NUP93: variants seen among roughly 807,000 people sequenced by gnomAD.
NUP93 encodes the protein nuclear pore complex protein Nup93.
In NUP93, 55 loss-of-function variants were observed where a neutral mutation model predicts 107.8. The ratio of observed to expected loss-of-function variants is 0.51; its 90% CI spans 0.41 to 0.64. The LOEUF is 0.64. Among genes scored for constraint, NUP93 ranks in the 30% least tolerant of loss-of-function variants. The pLI is 0.00. For synonymous variants in NUP93, 390 were observed against 397.5 expected (o/e 0.98, Z 0.22); for missense variants, 937 against 1,044.7 (o/e 0.90, Z 1.42).
At position 56,847,502 on chromosome 16, in the gene NUP93, CTG is replaced by C. The variant is rs1964130153; in HGVS notation, c.*2895_*2896del. 1.3e-5 allele frequency: 2 copies of C among 152,210 alleles called. No individual in the cohort carries two copies. The highest frequency in any genetic ancestry group is 1.3e-4 in the Admixed American group (2 of 15,284). The allele number at this position is 152,210 out of a possible 1,614,324, so 9.4% of individuals were successfully genotyped here. A position where few individuals can be genotyped will look rare whatever the true frequency, so the allele number is the denominator to read the frequency against. ...TAATGAAATTGGGGGCACTTTGAGA[CTG>C]TCAGGGTTTGTTCCTGTCTCAGAAT... On this transcript the variant is annotated 3_prime_UTR_variant, in exon 22 of 22. Coordinates refer to ENST00000308159, the MANE Select transcript of NUP93 (RefSeq NM_014669.5).
In NUP93 at chr16:56,842,546, T is replaced by C. The variant is rs543058941; in HGVS notation, c.2349+713T>C. The C allele has an allele frequency of 7.7e-4, 328 of 428,346 alleles. 1 individual carries two copies. Among genetic ancestry groups the C allele is most frequent in the Non-Finnish European group, 1.1e-3 (247 of 221,022 alleles). 26.5% of individuals were successfully genotyped at this position (428,346 alleles called of 1,614,324 possible). A position where few individuals can be genotyped will look rare whatever the true frequency, so the allele number is the denominator to read the frequency against. ...GTTAAACCATAAGGGGACAGTCCAA[T>C]GGTGTTTGCTTTTTTTTTTTTTTTG... On this transcript the variant is annotated intron_variant, in intron 21 of 21. Transcript: ENST00000308159.
chr16:56,758,421 T>C (rs1208924697), intron 2 of NUP93, 117 bp from the exon 3 acceptor site: 2 of 756,250 alleles, frequency 2.6e-6, no homozygotes, highest in African/African-American at 3.4e-5. Context: ...CTGGACAGTA[T>C]ATAGGAAGTT....
At chr16:56,838,892 C>A (rs921956829) in intron 18 of NUP93, 60 bp from the exon 19 acceptor site, 2 of 1,167,730 alleles carry the variant, frequency 1.7e-6, no homozygotes, top group South Asian at 1.3e-5. Context: ...TCCACTGTTA[C>A]GGATTACACA....
At position 56,826,159 on chromosome 16, in the gene NUP93, G is replaced by C. The variant is rs141812416; in HGVS notation, c.794+2313G>C. ...ATTCAAATTGGAAGAGACCATAGTG[G>C]GCATCTGTTTGTCCTGGCTGCTACA... is the stretch of plus-strand genomic sequence containing the variant. On this transcript the variant is annotated intron_variant, in intron 8 of 21. Transcript: ENST00000308159. Among the ~76,000 whole-genome samples the C allele has an allele frequency of 2.6e-5, 4 of 152,176 alleles. No individual in the cohort carries two copies. The East Asian group carries it at 7.7e-4, about 29-fold the overall frequency.
At chr16:56,803,748 ATAT>A (rs1719548465) in intron 4 of NUP93, among the ~76,000 whole-genome samples, 1 of 5,096 alleles carries the variant, frequency 2.0e-4, no homozygotes, top group African/African-American at 5.0e-4. Context: ...ACAGGGAAAA[ATAT>A]ATATATATAT....
In NUP93 at chr16:56,748,555, A is replaced by G. The variant is rs533286194; in HGVS notation, c.179+129A>G. The G allele has an allele frequency of 6.7e-5, 52 of 780,446 alleles. No individual in the cohort carries two copies. The African/African-American group carries it at 7.5e-4, about 11-fold the overall frequency. The allele number at this position is 780,446 out of a possible 1,614,324, so 48.3% of individuals were successfully genotyped here. A position where few individuals can be genotyped will look rare whatever the true frequency, so the allele number is the denominator to read the frequency against. On this transcript the variant is annotated intron_variant, in intron 2 of 21. Coordinates refer to ENST00000308159, the MANE Select transcript of NUP93 (RefSeq NM_014669.5). Reference sequence around the variant, plus strand: ...ACTAGCCAGATTCTTGGGAACTCAGAAAGTGTTGTAAACAGGACAGCAGCC... The same window carrying G: ...ACTAGCCAGATTCTTGGGAACTCAGGAAGTGTTGTAAACAGGACAGCAGCC...
At chr16:56,840,991 T>C (rs1865831) in intron 20 of NUP93, among the ~76,000 whole-genome samples, 132,183 of 150,376 alleles carry the variant, frequency 0.88, 58,409 homozygotes, top group East Asian at 0.99. Flanking sequence ...AGGGAGACTT[T>C]GTCTCAAAAA....
chr16:56,838,968 A>G lies in NUP93; in HGVS notation c.2035A>G (p.Ile679Val). 1.2e-6 allele frequency: 2 copies of G among 1,613,756 alleles called. No homozygotes were observed. The highest frequency in any genetic ancestry group is 2.2e-5 in the South Asian group (2 of 90,954). Residue 679 changes from isoleucine to valine, a missense_variant, in exon 19 of 22, where the codon ATA becomes GTA. Coordinates refer to ENST00000308159, the MANE Select transcript of NUP93 (RefSeq NM_014669.5). ...SIAERYRAQGISANKFVDSTF... is the reference protein window; with the variant it reads ...SIAERYRAQGVSANKFVDSTF... ...GTCTTTCAGGTATAGGGCTCAAGGA[A>G]TAAGCGCAAATAAATTTGTGGACTC... is the stretch of plus-strand genomic sequence containing the variant.
At chr16:56,813,847 T>A (rs1347294562) in intron 5 of NUP93, among the ~76,000 whole-genome samples, 1 of 152,220 alleles carries the variant, frequency 6.6e-6, no homozygotes, top group African/African-American at 2.4e-5. Flanking sequence ...TCTAATAGTG[T>A]TCCAGCCTAT....
At chr16:56,740,566 C>G (rs1312423025) in intron 1 of NUP93, 1 of 169,502 alleles carries the variant, frequency 5.9e-6, no homozygotes, top group Non-Finnish European at 1.3e-5. Flanking sequence ...AGAGGGGCTC[C>G]TCACATCCCA....
chr16:56,792,802 C>T (rs1286916270), intron 3 of NUP93, among the ~76,000 whole-genome samples: 1 of 152,134 alleles, frequency 6.6e-6, no homozygotes, highest in Non-Finnish European at 1.5e-5. Context: ...TTTTACTCTC[C>T]TCCTGGGTTC....
chr16:56,786,546 C>T (rs972629088), intron 3 of NUP93, among the ~76,000 whole-genome samples: 1 of 152,252 alleles, frequency 6.6e-6, no homozygotes, highest in Non-Finnish European at 1.5e-5. Context: ...TGTTCATTTT[C>T]AGCTGTGCCA....
intron 3 of NUP93, among the ~76,000 whole-genome samples, chr16:56,769,358 C>T (rs1440849206): frequency 1.3e-5 from 2 of 152,094 alleles, no homozygotes; most frequent in African/African-American, 4.8e-5. Flanking sequence ...AGTAAAATAA[C>T]GTTGATTGAG....
chr16:56,807,179 A>AT, intron 5 of NUP93, among the ~76,000 whole-genome samples: 1 of 152,090 alleles, frequency 6.6e-6, no homozygotes, highest in Non-Finnish European at 1.5e-5. Context: ...CCTTCAGCAA[A>AT]CCTGGTAGCC....
chr16:56,756,971 G>C (rs1962036221), intron 2 of NUP93, among the ~76,000 whole-genome samples: 1 of 152,130 alleles, frequency 6.6e-6, no homozygotes, highest in Non-Finnish European at 1.5e-5. Context: ...CTCTTTTAGA[G>C]AGTTAACTTT....
intron 2 of NUP93, among the ~76,000 whole-genome samples, chr16:56,755,442 G>A (rs1357527154): frequency 3.3e-5 from 5 of 151,114 alleles, no homozygotes; most frequent in Non-Finnish European, 7.4e-5. Flanking sequence ...AAGTAGATTA[G>A]TAGTTGCCAG....
intron 3 of NUP93, among the ~76,000 whole-genome samples, chr16:56,765,982 G>A (rs1347828942): frequency 1.3e-5 from 2 of 152,170 alleles, no homozygotes; most frequent in African/African-American, 2.4e-5. Flanking sequence ...ATTAAAAATG[G>A]TAACTTTGGA....
In NUP93 at chr16:56,818,592, A is replaced by G. The variant is rs375758728; in HGVS notation, c.490-72A>G. 350 of 1,173,414 alleles carry G rather than the reference A, an allele frequency of 3.0e-4. 1 individual carries two copies. In the African/African-American group the frequency reaches 4.7e-3, roughly 16 times the overall value. 72.7% of individuals were successfully genotyped at this position (1,173,414 alleles called of 1,614,324 possible). A position where few individuals can be genotyped will look rare whatever the true frequency, so the allele number is the denominator to read the frequency against. ...CTCTGTTAAAGACAAGAATATGTTTATGATGTGATTTGATTTCTTCACATG... is the reference window on the plus strand; with the variant it reads ...CTCTGTTAAAGACAAGAATATGTTTGTGATGTGATTTGATTTCTTCACATG... On this transcript the variant is annotated intron_variant, in intron 5 of 21. Transcript: ENST00000308159.
At chr16:56,746,604 G>A (rs568216970) in intron 1 of NUP93, among the ~76,000 whole-genome samples, 2 of 152,348 alleles carry the variant, frequency 1.3e-5, no homozygotes, top group East Asian at 1.9e-4. Flanking sequence ...TAAAGTTAAT[G>A]TCCTTTAATG....
Sources: gnomAD v4.1 joint callset for allele counts (sites outside exome capture counted in the v4.1 genomes callset) on GRCh38, gnomAD v4.1.1 for gene constraint, MANE v1.5 for transcripts, NCBI Gene and HGNC (gene_info 2026-07-23, HGNC 2026-07-21) for gene names.